GLS: variants seen among roughly 807,000 people sequenced by gnomAD.
GLS encodes the protein glutaminase kidney isoform, mitochondrial.
GLS carries 36 observed loss-of-function variants against 86.7 expected under a neutral mutation model. That is an observed-to-expected ratio of 0.42 (90% CI 0.32 to 0.55). The LOEUF (loss-of-function observed/expected upper bound fraction) is 0.55, where lower values mean the gene tolerates loss of function less well. Ranked by LOEUF, GLS falls within the 20% of genes least tolerant of loss-of-function variation. The pLI, the probability that GLS is intolerant of heterozygous loss-of-function variation, is 0.17. For synonymous variants in GLS, 317 were observed against 305.9 expected (o/e 1.04, Z -0.38); for missense variants, 528 against 833.4 (o/e 0.63, Z 4.51).
intron 9 of GLS, among the ~76,000 whole-genome samples, chr2:190,923,313 G>T (rs1689806001): frequency 6.6e-6 from 1 of 152,130 alleles, no homozygotes; most frequent in South Asian, 2.1e-4. Context: ...TCCTTTGTTT[G>T]TTTGATGTTT....
In GLS at chr2:190,962,054, G is replaced by A. The variant is rs1691017509; in HGVS notation, c.1854-776G>A. On this transcript the variant is annotated intron_variant, in intron 17 of 17. Coordinates refer to ENST00000320717, the MANE Select transcript of GLS (RefSeq NM_014905.5). This position sits in a 1 kb window ranked among gnomAD's most constrained non-coding sequence, Gnocchi z 4.2. Reference sequence around the variant, plus strand: ...CCATCGTACCCTGTCATTGACTAGGGCTGTGAGTTATGTAGTTCTGTCTCC... The same window carrying A: ...CCATCGTACCCTGTCATTGACTAGGACTGTGAGTTATGTAGTTCTGTCTCC... Among the ~76,000 whole-genome samples, 1 of 152,192 alleles carries A rather than the reference G, an allele frequency of 6.6e-6. No homozygotes were observed. The highest frequency in any genetic ancestry group is 2.4e-5 in the African/African-American group (1 of 41,454).
At chr2:190,944,389 C>G (rs1441661725) in intron 14 of GLS, among the ~76,000 whole-genome samples, 1 of 152,064 alleles carries the variant, frequency 6.6e-6, no homozygotes, top group African/African-American at 2.4e-5. Flanking sequence ...TGTTCATGAA[C>G]TTTTACAAAA....
chr2:190,881,288 C>A lies in GLS; in HGVS notation c.204C>A (p.Leu68=). The change falls in exon 1 of 18, where the codon CTC becomes CTA. Residue 68 remains leucine, a synonymous_variant. Transcript: ENST00000320717. ...WGGGGWPAEP[L]ARGLSSSPSE... is the part of the protein sequence containing the mutation. ...GGGGCGGCTGGCCGGCGGAGCCCCT[C>A]GCGCGGGGCCTGTCCAGCTCTCCTT... is the stretch of plus-strand genomic sequence containing the variant. 7.4e-7 allele frequency: 1 copy of A among 1,344,574 alleles called. No individual in the cohort carries two copies. The highest frequency in any genetic ancestry group is 9.6e-7 in the Non-Finnish European group (1 of 1,042,738). 83.3% of individuals were successfully genotyped at this position (1,344,574 alleles called of 1,614,324 possible).
intron 1 of GLS, among the ~76,000 whole-genome samples, chr2:190,882,793 C>T (rs1277552495): frequency 6.6e-6 from 1 of 152,162 alleles, no homozygotes; most frequent in Non-Finnish European, 1.5e-5. Context: ...TATTTAATAT[C>T]TTGGGTTAGA....
chr2:190,923,873 T>C (rs1355069620), intron 9 of GLS, 44 bp from the exon 10 acceptor site: 3 of 1,179,940 alleles, frequency 2.5e-6, no homozygotes, highest in Non-Finnish European at 3.8e-6. Flanking sequence ...AATCACACTT[T>C]TAAAGAAAGT....
At chr2:190,889,857 A>G (rs1280697487) in intron 1 of GLS, among the ~76,000 whole-genome samples, 7 of 152,244 alleles carry the variant, frequency 4.6e-5, no homozygotes, top group African/African-American at 7.2e-5. Context: ...AAGTCCAGTC[A>G]AAACAGCAGC....
At chr2:190,889,594 T>C (rs79570694) in intron 1 of GLS, among the ~76,000 whole-genome samples, 31 of 152,312 alleles carry the variant, frequency 2.0e-4, no homozygotes, top group Middle Eastern at 3.4e-3. Context: ...TAGACTGATA[T>C]ATTAAAGGAT....
intron 14 of GLS, among the ~76,000 whole-genome samples, chr2:190,937,136 A>T (rs1326994515): frequency 6.6e-6 from 1 of 151,392 alleles, no homozygotes. Flanking sequence ...TTTCTCTGTC[A>T]TGTAGTTCAA....
At chr2:190,909,115 A>G (rs2124864503) in intron 6 of GLS, among the ~76,000 whole-genome samples, 1 of 152,342 alleles carries the variant, frequency 6.6e-6, no homozygotes. Flanking sequence ...ATAATCAGAT[A>G]TAACACAAAG....
Position 190,905,509 on chromosome 2 carries a change from G to C in GLS, c.979+342G>C, listed in dbSNP as rs114836250. On this transcript the variant is annotated intron_variant, in intron 6 of 17. Transcript: ENST00000320717. This position sits in a 1 kb window ranked among gnomAD's most constrained non-coding sequence, Gnocchi z 4.6. ...TTACTATATGTTGGTAATTATTGCA[G>C]CTAAATGATAGGTGCATGGGTGTTT... Among the ~76,000 whole-genome samples the C allele has an allele frequency of 5.7e-3, 865 of 152,156 alleles. 13 individuals are homozygous for C. Among genetic ancestry groups the C allele is most frequent in the African/African-American group, 0.018 (763 of 41,560 alleles).
chr2:190,881,532 T>A, intron 1 of GLS, 62 bp downstream of exon 1: 2 of 1,446,112 alleles, frequency 1.4e-6, no homozygotes, highest in East Asian at 2.7e-5. Context: ...TCAGGCTGTG[T>A]GGGGCCCTGC....
At chr2:190,940,429 CTT>C (rs1285236536) in intron 14 of GLS, among the ~76,000 whole-genome samples, 4 of 151,996 alleles carry the variant, frequency 2.6e-5, no homozygotes, top group Non-Finnish European at 4.4e-5. Flanking sequence ...CTTAATGTCT[CTT>C]TTTACTGGAC....
rs144258528 is a variant in GLS at position 190,894,887 on chromosome 2, G to A, written c.387-265G>A. Among the ~76,000 whole-genome samples the A allele has an allele frequency of 4.8e-3, 725 of 152,292 alleles. 6 individuals carry two copies. The highest frequency in any genetic ancestry group is 7.2e-3 in the Non-Finnish European group (492 of 68,012). ...AGGCATCACCATAACGGATGGCTGGGCATTAGCACAACTAGAGTTGATGAT... is the reference window on the plus strand; with the variant it reads ...AGGCATCACCATAACGGATGGCTGGACATTAGCACAACTAGAGTTGATGAT... On this transcript the variant is annotated intron_variant, in intron 1 of 17. Coordinates refer to ENST00000320717, the MANE Select transcript of GLS (RefSeq NM_014905.5).
At chr2:190,904,826 C>T (rs1228990240) in intron 5 of GLS, among the ~76,000 whole-genome samples, 178 bp from the exon 6 acceptor site, 1 of 152,086 alleles carries the variant, frequency 6.6e-6, no homozygotes, top group Non-Finnish European at 1.5e-5. Context: ...ATCCACCTCC[C>T]ACAGATATCA....
intron 3 of GLS, chr2:190,896,576 G>A (rs1273309453): frequency 6.6e-6 from 1 of 152,192 alleles, no homozygotes; most frequent in African/African-American, 2.4e-5. Context: ...TCTTTTGGGG[G>A]TTGGGTGATT....
rs562040615 is a variant in GLS at position 190,924,425 on chromosome 2, A to C, written c.1198-118A>C. The stretch of plus-strand genomic sequence containing the variant: ...ATGTTTATACTCTTTTAGAAGTTAC[A>C]TGCTATTTTATTAATTAAAATGAAA... On this transcript the variant is annotated intron_variant, in intron 10 of 17. Coordinates refer to ENST00000320717, the MANE Select transcript of GLS (RefSeq NM_014905.5). The surrounding 1 kb of genome is among the most constrained non-coding windows in gnomAD (Gnocchi z 5.2). 1 of 691,534 alleles carries C rather than the reference A, an allele frequency of 1.4e-6. No individual in the cohort carries two copies. Among genetic ancestry groups the C allele is most frequent in the East Asian group, 2.7e-5 (1 of 36,818 alleles). The allele number at this position is 691,534 out of a possible 1,614,324, so 42.8% of individuals were successfully genotyped here.
rs1173985439 is a variant in GLS at position 190,881,288 on chromosome 2, C to G, written c.204C>G (p.Leu68=). The G allele has an allele frequency of 2.2e-6, 3 of 1,344,574 alleles. No homozygotes were observed. Among genetic ancestry groups the G allele is most frequent in the African/African-American group, 1.5e-5 (1 of 66,044 alleles). The allele number at this position is 1,344,574 out of a possible 1,614,324, so 83.3% of individuals were successfully genotyped here. Residue 68 remains leucine, a synonymous_variant, in exon 1 of 18, where the codon CTC becomes CTG. Transcript: ENST00000320717. ...GGGGCGGCTGGCCGGCGGAGCCCCT[C>G]GCGCGGGGCCTGTCCAGCTCTCCTT... The part of the protein sequence containing the change: ...WGGGGWPAEP[L]ARGLSSSPSE...
At chr2:190,933,385 G>A in intron 14 of GLS, 1 of 879,416 alleles carries the variant, frequency 1.1e-6, no homozygotes, top group South Asian at 5.2e-5. Flanking sequence ...TATAAAATTA[G>A]CTTGTGTTTA....
At chr2:190,958,711 C>G (rs1690922371) in intron 17 of GLS, among the ~76,000 whole-genome samples, 1 of 152,158 alleles carries the variant, frequency 6.6e-6, no homozygotes, top group Admixed American at 6.6e-5. Flanking sequence ...TGTTCAGTTT[C>G]CATGCAGTTG....
Sources: allele counts gnomAD v4.1 joint callset (sites outside exome capture counted in the v4.1 genomes callset), GRCh38; gene constraint gnomAD v4.1.1; non-coding constraint Gnocchi (gnomAD v3.1); transcripts MANE v1.5; gene names NCBI Gene and HGNC (gene_info 2026-07-23, HGNC 2026-07-21).